PARD6B: variants seen among roughly 807,000 people sequenced by gnomAD.
PARD6B encodes partitioning defective 6 homolog beta.
PARD6B carries 4 observed loss-of-function variants against 10.5 expected under a neutral mutation model. The ratio of observed to expected loss-of-function variants is 0.38; its 90% CI spans 0.19 to 0.87. PARD6B has a LOEUF of 0.87. PARD6B is among the 40% of genes least tolerant of loss of function. PARD6B has a pLI of 0.41. For missense variants in PARD6B, 396 were observed against 470.6 expected, an observed-to-expected ratio of 0.84 and a Z score of 1.47; for synonymous variants, 169 against 170.4, an observed-to-expected ratio of 0.99 and a Z score of 0.07.
chr20:50,733,585 T>G (rs1445829582), intron 1 of PARD6B, among the ~76,000 whole-genome samples: 1 of 133,836 alleles, frequency 7.5e-6, no homozygotes, highest in East Asian at 3.3e-4. Context: ...AGTGACTTGC[T>G]TGAGCTATAG....
rs750754348 is a variant in PARD6B, at chr20:50,738,075, G to A, written c.285G>A (p.Lys95=). The A allele has an allele frequency of 6.3e-7, 1 of 1,592,892 alleles. No individual in the cohort carries two copies. The highest frequency in any genetic ancestry group is 8.6e-7 in the Non-Finnish European group (1 of 1,168,912). Residue 95 remains lysine, a synonymous_variant, in exon 2 of 3, where the codon AAG becomes AAA. Transcript: ENST00000371610. ...CACTGCTTAGGATATTTATACAAAA[G>A]AAGGGTAAGTATCACTGTTTAGAAA... ...ANPLLRIFIQ[K]KEEADYSAFG...
At chr20:50,735,127 GGGT>G (rs1225402601) in intron 1 of PARD6B, among the ~76,000 whole-genome samples, 5 of 152,140 alleles carry the variant, frequency 3.3e-5, no homozygotes, top group African/African-American at 1.2e-4. Context: ...TTCAGAGCCT[GGGT>G]GACAGAGGGA....
At chr20:50,749,235 C>T (rs759054625) in intron 2 of PARD6B, among the ~76,000 whole-genome samples, 6 of 151,602 alleles carry the variant, frequency 4.0e-5, no homozygotes, top group Non-Finnish European at 7.4e-5. Flanking sequence ...CCCAGCTACT[C>T]GGGAGGGTGA....
At chr20:50,738,994 G>T (rs1221491024) in intron 2 of PARD6B, among the ~76,000 whole-genome samples, 1 of 151,066 alleles carries the variant, frequency 6.6e-6, no homozygotes, top group Admixed American at 6.7e-5. Context: ...GTGTATGTAT[G>T]TGTGTCTGCA....
intron 2 of PARD6B, among the ~76,000 whole-genome samples, chr20:50,743,100 T>G (rs1413446030): frequency 6.6e-6 from 1 of 152,208 alleles, no homozygotes; most frequent in Non-Finnish European, 1.5e-5. Flanking sequence ...AAAAAAATAT[T>G]TAAAGCTTGC....
chr20:50,745,172 G>C (rs537162363), intron 2 of PARD6B, among the ~76,000 whole-genome samples: 2 of 152,222 alleles, frequency 1.3e-5, no homozygotes, highest in African/African-American at 2.4e-5. Context: ...GCTCACGCCT[G>C]TAATCCCAGC....
At chr20:50,734,776 C>T (rs182992707) in intron 1 of PARD6B, among the ~76,000 whole-genome samples, 76 of 152,222 alleles carry the variant, frequency 5.0e-4, no homozygotes, top group Admixed American at 2.1e-3. Flanking sequence ...CCACCTAGGC[C>T]TCCCAAAGTG....
Position 50,752,712 on chromosome 20 carries a change from CTT to C in PARD6B, c.*2226_*2227del. The C allele has an allele frequency of 3.1e-6, 3 of 980,798 alleles. No homozygotes were observed. Among genetic ancestry groups the C allele is most frequent in the Non-Finnish European group, 3.6e-6 (3 of 825,344 alleles). 60.8% of individuals were successfully genotyped at this position (980,798 alleles called of 1,614,324 possible). On this transcript the variant is annotated 3_prime_UTR_variant, in exon 3 of 3. Transcript: ENST00000371610. ...AACAATGAAGATTCAAATGACTCCG[CTT>C]TGAAGGATGTTTTCTCTATATGGTA...
intron 2 of PARD6B, among the ~76,000 whole-genome samples, chr20:50,745,574 A>C (rs2087563275): frequency 6.6e-6 from 1 of 152,108 alleles, no homozygotes; most frequent in Non-Finnish European, 1.5e-5. Flanking sequence ...ATCTTAGCGT[A>C]CTTCAGCTTC....
chr20:50,735,384 G>C (rs1313390386), intron 1 of PARD6B, among the ~76,000 whole-genome samples: 1 of 152,030 alleles, frequency 6.6e-6, no homozygotes, highest in African/African-American at 2.4e-5. Context: ...TAATAACCCT[G>C]GAACAGTCTT....
chr20:50,745,407 G>A lies in PARD6B; in HGVS notation c.290-4252G>A, dbSNP rs914568746. 9.6e-4 allele frequency among the ~76,000 whole-genome samples: 131 copies of A among 135,850 alleles called. 1 individual carries two copies. The highest frequency in any genetic ancestry group is 3.4e-3 in the African/African-American group (121 of 35,530). 89.1% of individuals were successfully genotyped at this position (135,850 alleles called of 152,430 possible). A position where few individuals can be genotyped will look rare whatever the true frequency, so the allele number is the denominator to read the frequency against. ...TCATTGCACTCTAGAGCGAAACTCCGTCTCAAAAAAAAAAAAAAAAGTTGC... is the reference window on the plus strand; with the variant it reads ...TCATTGCACTCTAGAGCGAAACTCCATCTCAAAAAAAAAAAAAAAAGTTGC... On this transcript the variant is annotated intron_variant, in intron 2 of 2. Coordinates refer to ENST00000371610, the MANE Select transcript of PARD6B (RefSeq NM_032521.3).
Position 50,734,062 on chromosome 20 carries a change from C to T in PARD6B, c.66+2210C>T, listed in dbSNP as rs114537881. ...TTTTAAATAGAATCATACACTGATT[C>T]TAGGAACATGTGCTGAATGAAGTCG... On this transcript the variant is annotated intron_variant, in intron 1 of 2. Coordinates refer to ENST00000371610, the MANE Select transcript of PARD6B (RefSeq NM_032521.3). 8.4e-3 allele frequency among the ~76,000 whole-genome samples: 1,284 copies of T among 152,260 alleles called. 23 individuals are homozygous for T. Among genetic ancestry groups the T allele is most frequent in the African/African-American group, 0.029 (1,209 of 41,520 alleles).
intron 1 of PARD6B, 95 bp downstream of exon 1, chr20:50,731,947 G>A: frequency 9.1e-7 from 1 of 1,096,952 alleles, no homozygotes; most frequent in Non-Finnish European, 1.2e-6. Flanking sequence ...GAGGCGACGG[G>A]CTGAGCTGCC....
chr20:50,733,392 C>G (rs571501060), intron 1 of PARD6B, among the ~76,000 whole-genome samples: 5 of 152,276 alleles, frequency 3.3e-5, no homozygotes, highest in African/African-American at 1.2e-4. Context: ...CCATTGCACT[C>G]CAGCCTGGGC....
intron 2 of PARD6B, among the ~76,000 whole-genome samples, chr20:50,742,608 C>T (rs2087537023): frequency 6.6e-6 from 1 of 152,040 alleles, no homozygotes; most frequent in South Asian, 2.1e-4. Context: ...TCAGGTGATC[C>T]ACCCTCCTCA....
chr20:50,734,359 T>G (rs2087488117), intron 1 of PARD6B, among the ~76,000 whole-genome samples: 1 of 152,104 alleles, frequency 6.6e-6, no homozygotes, highest in South Asian at 2.1e-4. Context: ...CGGTCCTTTT[T>G]TTTTTGAGAC....
chr20:50,739,698 C>T (rs997625027), intron 2 of PARD6B, among the ~76,000 whole-genome samples: 1 of 152,068 alleles, frequency 6.6e-6, no homozygotes, highest in African/African-American at 2.4e-5. Flanking sequence ...CCCAAAGTTT[C>T]CTGAGATGGA....
chr20:50,736,708 T>C (rs1253947072), intron 1 of PARD6B, among the ~76,000 whole-genome samples: 2 of 151,884 alleles, frequency 1.3e-5, no homozygotes, highest in African/African-American at 2.4e-5. Flanking sequence ...TTTTTTTTTT[T>C]TTTCTTTTTT....
At chr20:50,738,213 G>T in intron 2 of PARD6B, 134 bp downstream of exon 2, 1 of 561,126 alleles carries the variant, frequency 1.8e-6, no homozygotes, top group Non-Finnish European at 3.0e-6. Flanking sequence ...TAACTAACAT[G>T]TGGGTTAAAA....
Sources: gnomAD v4.1 joint callset for allele counts (sites outside exome capture counted in the v4.1 genomes callset) on GRCh38, gnomAD v4.1.1 for gene constraint, MANE v1.5 for transcripts, NCBI Gene and HGNC (gene_info 2026-07-23, HGNC 2026-07-21) for gene names.